The following DSC2 variants were observed in gnomAD, a reference collection of about 807,000 sequenced individuals.
The protein encoded by DSC2 is desmocollin 2.
In DSC2, 51 loss-of-function variants were observed where a neutral mutation model predicts 87.6. The ratio of observed to expected loss-of-function variants is 0.58; its 90% confidence interval spans 0.46 to 0.74. DSC2 has a LOEUF of 0.74. Ranked by LOEUF, DSC2 falls within the 30% of genes least tolerant of loss-of-function variation. The pLI is 0.00. For missense variants in DSC2, 1,066 were observed against 1,089.5 expected (o/e 0.98, Z 0.30); for synonymous variants, 383 against 393.2 (o/e 0.97, Z 0.31).
intron 9 of DSC2, among the ~76,000 whole-genome samples, chr18:31,080,847 C>A (rs950948760): frequency 6.6e-6 from 1 of 151,890 alleles, no homozygotes; most frequent in Non-Finnish European, 1.5e-5. Context: ...TTCTTTATAA[C>A]AATGTGAGAA....
chr18:31,075,129 C>T (rs940210049), intron 11 of DSC2, among the ~76,000 whole-genome samples: 1 of 152,036 alleles, frequency 6.6e-6, no homozygotes, highest in South Asian at 2.1e-4. Context: ...TTTATTCATT[C>T]GCTAAATTAT....
At chr18:31,097,191 G>A (rs903472704) in intron 1 of DSC2, among the ~76,000 whole-genome samples, 1 of 151,818 alleles carries the variant, frequency 6.6e-6, no homozygotes, top group African/African-American at 2.4e-5. Context: ...GGGAGGCTGA[G>A]GGAGGAGAAT....
At position 31,093,571 on chromosome 18, in the gene DSC2, G is replaced by C. The variant is rs769776739; in HGVS notation, c.142C>G (p.Leu48Val). 1 of 1,604,074 alleles carries C rather than the reference G, an allele frequency of 6.2e-7. No homozygotes were observed. Among genetic ancestry groups the C allele is most frequent in the Admixed American group, 1.7e-5 (1 of 59,706 alleles). ...HVPSKLDAEK[L>V]VGRVNLKECF... ...AGGGCTTCCTTACCTCTACCAACAAGTTTCTCGGCATCTAGTTTGGAGGGA... is the reference window on the plus strand; with the variant it reads ...AGGGCTTCCTTACCTCTACCAACAACTTTCTCGGCATCTAGTTTGGAGGGA... Residue 48 changes from leucine to valine, a missense_variant, in exon 2 of 16, where the codon CTT becomes GTT. Transcript: ENST00000280904.
Position 31,063,830 on chromosome 18 carries a change from G to A in DSC2, c.*4185C>T, listed in dbSNP as rs1986551349. ...CAATTTACCATGGGTTTATCAGGAT[G>A]TAACCCCATCATAAGTCAAGAAGCA... On this transcript the variant is annotated 3_prime_UTR_variant, in exon 16 of 16. Transcript: ENST00000280904. 1 of 152,194 alleles carries A rather than the reference G, an allele frequency of 6.6e-6. No individual in the cohort carries two copies. The highest frequency in any genetic ancestry group is 2.1e-4 in the South Asian group (1 of 4,826). The allele number at this position is 152,194 out of a possible 1,614,324, so 9.4% of individuals were successfully genotyped here. A position where few individuals can be genotyped will look rare whatever the true frequency, so the allele number is the denominator to read the frequency against.
rs960377136 is a variant in DSC2 at position 31,060,626 on chromosome 18, A to C, written c.*7389T>G. 1 of 152,118 alleles carries C rather than the reference A, an allele frequency of 6.6e-6. No individual in the cohort carries two copies. Among genetic ancestry groups the C allele is most frequent in the Non-Finnish European group, 1.5e-5 (1 of 68,016 alleles). The allele number at this position is 152,118 out of a possible 1,614,324, so 9.4% of individuals were successfully genotyped here. A position where few individuals can be genotyped will look rare whatever the true frequency, so the allele number is the denominator to read the frequency against. ...GCTGTTGACCTTTCTAGTTCTATTT[A>C]TCTCTGGAGATTTGGCAATTCTGAT... is the stretch of plus-strand genomic sequence containing the variant. On this transcript the variant is annotated 3_prime_UTR_variant, in exon 16 of 16. Transcript: ENST00000280904.
In DSC2 at chr18:31,062,623, T is replaced by C. The variant is rs532324021; in HGVS notation, c.*5392A>G. 25 of 152,324 alleles carry C rather than the reference T, an allele frequency of 1.6e-4. No homozygotes were observed. The highest frequency in any genetic ancestry group is 5.5e-4 in the African/African-American group (23 of 41,572). 9.4% of individuals were successfully genotyped at this position (152,324 alleles called of 1,614,324 possible). A position where few individuals can be genotyped will look rare whatever the true frequency, so the allele number is the denominator to read the frequency against. ...TATTCAGTGTCTACTGCTCTACATG[T>C]TAGGCATACAGTGGTCAAGAAGACA... is the stretch of plus-strand genomic sequence containing the variant. On this transcript the variant is annotated 3_prime_UTR_variant, in exon 16 of 16. Transcript: ENST00000280904.
chr18:31,062,413 ATT>A lies in DSC2; in HGVS notation c.*5600_*5601del. 1 of 151,634 alleles carries A rather than the reference ATT, an allele frequency of 6.6e-6. No homozygotes were observed. The highest frequency in any genetic ancestry group is 2.4e-5 in the African/African-American group (1 of 41,292). 9.4% of individuals were successfully genotyped at this position (151,634 alleles called of 1,614,324 possible). A position where few individuals can be genotyped will look rare whatever the true frequency, so the allele number is the denominator to read the frequency against. On this transcript the variant is annotated 3_prime_UTR_variant, in exon 16 of 16. Coordinates refer to ENST00000280904, the MANE Select transcript of DSC2 (RefSeq NM_024422.6). ...GTGGCCTTTTGGTTAAAAAAAAAAA[ATT>A]CACTGCAGTGTTTGAACCTGGCAAT...
In DSC2 at chr18:31,060,888, C is replaced by T. The variant is rs1215035784; in HGVS notation, c.*7127G>A. The T allele has an allele frequency of 6.6e-6, 1 of 152,154 alleles. No individual in the cohort carries two copies. Among genetic ancestry groups the T allele is most frequent in the South Asian group, 2.1e-4 (1 of 4,836 alleles). 9.4% of individuals were successfully genotyped at this position (152,154 alleles called of 1,614,324 possible). A position where few individuals can be genotyped will look rare whatever the true frequency, so the allele number is the denominator to read the frequency against. ...AATTTTACTCATCAATGTGTTTCAA[C>T]TCTTTGGTACATTTCTAGCATTTTG... is the stretch of plus-strand genomic sequence containing the variant. On this transcript the variant is annotated 3_prime_UTR_variant, in exon 16 of 16. Coordinates refer to ENST00000280904, the MANE Select transcript of DSC2 (RefSeq NM_024422.6).
chr18:31,082,200 T>C lies in DSC2; in HGVS notation c.1263+38A>G, dbSNP rs369118675. 150 of 1,565,596 alleles carry C rather than the reference T, an allele frequency of 9.6e-5. No homozygotes were observed. In the Middle Eastern group the frequency reaches 1.3e-3, roughly 14 times the overall value. ...TAAATTCTAGCATGCTATTCTATGA[T>C]ATTATAAACTACAAATAATGTTCTA... On this transcript the variant is annotated intron_variant, in intron 9 of 15. Transcript: ENST00000280904.
rs1986483078 is a variant in DSC2, at chr18:31,060,632, G to A, written c.*7383C>T. 1 of 152,114 alleles carries A rather than the reference G, an allele frequency of 6.6e-6. No individual in the cohort carries two copies. The highest frequency in any genetic ancestry group is 2.4e-5 in the African/African-American group (1 of 41,426). 9.4% of individuals were successfully genotyped at this position (152,114 alleles called of 1,614,324 possible). ...GACCTTTCTAGTTCTATTTATCTCT[G>A]GAGATTTGGCAATTCTGATTTTTAA... On this transcript the variant is annotated 3_prime_UTR_variant, in exon 16 of 16. Transcript: ENST00000280904.
Position 31,066,775 on chromosome 18 carries a change from T to C in DSC2, c.*1240A>G, listed in dbSNP as rs1455356546. Reference sequence around the variant, plus strand: ...TTGTAATCTTAAAATATTAAAAAAATAACTTTACAAACACACAGATATGAC... The same window carrying C: ...TTGTAATCTTAAAATATTAAAAAAACAACTTTACAAACACACAGATATGAC... On this transcript the variant is annotated 3_prime_UTR_variant, in exon 16 of 16. Coordinates refer to ENST00000280904, the MANE Select transcript of DSC2 (RefSeq NM_024422.6). The C allele has an allele frequency of 1.3e-5, 2 of 152,140 alleles. No individual in the cohort carries two copies. The highest frequency in any genetic ancestry group is 2.9e-5 in the Non-Finnish European group (2 of 68,000). The allele number at this position is 152,140 out of a possible 1,614,324, so 9.4% of individuals were successfully genotyped here.
chr18:31,091,541 G>A (rs1182211978), intron 3 of DSC2: 2 of 460,158 alleles, frequency 4.3e-6, no homozygotes, highest in Non-Finnish European at 8.7e-6. Flanking sequence ...CAGCAACTAG[G>A]CAGAGCCAGG....
intron 14 of DSC2, 100 bp from the exon 15 acceptor site, chr18:31,069,251 G>C (rs1598570968): frequency 1.4e-6 from 2 of 1,443,622 alleles, no homozygotes; most frequent in Non-Finnish European, 1.9e-6. Flanking sequence ...TTGTGTGTAT[G>C]CTAGAAGGTA....
intron 2 of DSC2, 96 bp downstream of exon 2, chr18:31,093,463 A>T (rs1987665270): frequency 1.1e-6 from 1 of 905,204 alleles, no homozygotes; most frequent in African/African-American, 1.7e-5. Flanking sequence ...CTTCCAAGGG[A>T]CAAGATCTCG....
chr18:31,068,554 A>G (rs1299894886), intron 15 of DSC2, among the ~76,000 whole-genome samples: 1 of 152,198 alleles, frequency 6.6e-6, no homozygotes, highest in African/African-American at 2.4e-5. Context: ...CTTCCCAGAT[A>G]GACATAGTGA....
chr18:31,075,451 A>C (rs534856306), intron 11 of DSC2, among the ~76,000 whole-genome samples: 3 of 152,350 alleles, frequency 2.0e-5, no homozygotes, highest in Non-Finnish European at 4.4e-5. Context: ...GTACATGGGA[A>C]TATTCAAAGG....
intron 1 of DSC2, among the ~76,000 whole-genome samples, chr18:31,095,537 G>T (rs971876139): frequency 6.6e-6 from 1 of 152,174 alleles, no homozygotes. Context: ...ATCTAAGAGT[G>T]GGGTAATGGT....
rs142825825 is a variant in DSC2 at position 31,082,454 on chromosome 18, G to A, written c.1078-31C>T. Reference sequence around the variant, plus strand: ...ATAATAAAAGCAAACAAAAAATTTCGTTAGTAACTCTCACAAAAATTGAAC... The same window carrying A: ...ATAATAAAAGCAAACAAAAAATTTCATTAGTAACTCTCACAAAAATTGAAC... On this transcript the variant is annotated intron_variant, in intron 8 of 15. Transcript: ENST00000280904. The A allele has an allele frequency of 1.4e-3, 2,205 of 1,597,104 alleles. 34 individuals are homozygous for A. The East Asian group carries it at 0.036, about 26-fold the overall frequency.
chr18:31,096,612 C>A (rs926005376), intron 1 of DSC2, among the ~76,000 whole-genome samples: 2 of 152,176 alleles, frequency 1.3e-5, no homozygotes, highest in African/African-American at 4.8e-5. Context: ...CATGTGATCA[C>A]CATCATAGAT....
Sources: allele counts gnomAD v4.1 joint callset (sites outside exome capture counted in the v4.1 genomes callset), GRCh38; gene constraint gnomAD v4.1.1; transcripts MANE v1.5; gene names NCBI Gene and HGNC (gene_info 2026-07-23, HGNC 2026-07-21).